TTC38: variants seen among roughly 807,000 people sequenced by gnomAD.
The protein encoded by TTC38 is tetratricopeptide repeat domain 38.
Under a neutral mutation model 64.2 loss-of-function variants are expected in TTC38, and 64 were observed. The ratio of observed to expected loss-of-function variants is 1.00; its 90% CI spans 0.81 to 1.23. TTC38 has a LOEUF of 1.23. Ranked by LOEUF, TTC38 falls within the 50% of genes most tolerant of loss-of-function variation. The pLI, the probability that TTC38 is intolerant of heterozygous loss-of-function variation, is 0.00. For missense variants in TTC38, 573 were observed against 615.5 expected (o/e 0.93, Z 0.73); for synonymous variants, 254 against 249.3 (o/e 1.02, Z -0.18).
At position 46,274,881 on chromosome 22, in the gene TTC38, A is replaced by G. The variant is rs1406877396; in HGVS notation, c.366-367A>G. Reference sequence around the variant, plus strand: ...GCTCTTGTCGCCCAGGCTGGAATGCAGTGGCGCAATCTCGGCTCACTGCCT... The same window carrying G: ...GCTCTTGTCGCCCAGGCTGGAATGCGGTGGCGCAATCTCGGCTCACTGCCT... On this transcript the variant is annotated intron_variant, in intron 4 of 13. Coordinates refer to ENST00000381031, the MANE Select transcript of TTC38 (RefSeq NM_017931.4). The surrounding 1 kb of genome is among the most constrained non-coding windows in gnomAD (Gnocchi z 4.8). Among the ~76,000 whole-genome samples, 3 of 152,118 alleles carry G rather than the reference A, an allele frequency of 2.0e-5. No individual in the cohort carries two copies. The highest frequency in any genetic ancestry group is 2.1e-4 in the South Asian group (1 of 4,826).
rs1217730132 is a variant in TTC38, at chr22:46,281,394, G to T, written c.616-205G>T. On this transcript the variant is annotated intron_variant, in intron 6 of 13. Transcript: ENST00000381031. The surrounding 1 kb of genome is among the most constrained non-coding windows in gnomAD (Gnocchi z 5.2). ...GACTCAGCTTCCTCATCTGTGAACT[G>T]GGCAGTGAGACCCATGAGCTGGTGT... 6.6e-6 allele frequency among the ~76,000 whole-genome samples: 1 copy of T among 152,192 alleles called. No homozygotes were observed. The highest frequency in any genetic ancestry group is 1.5e-5 in the Non-Finnish European group (1 of 68,026).
At chr22:46,269,092 C>A (rs535436938) in intron 2 of TTC38, 12 of 418,132 alleles carry the variant, frequency 2.9e-5, no homozygotes, top group Non-Finnish European at 4.4e-5. Flanking sequence ...ATCTCTGCCC[C>A]CCCCCCACAG....
Position 46,272,489 on chromosome 22 carries a change from G to A in TTC38, c.193+73G>A, listed in dbSNP as rs1335168372. 1.5e-6 allele frequency: 2 copies of A among 1,338,108 alleles called. No homozygotes were observed. Among genetic ancestry groups the A allele is most frequent in the East Asian group, 2.3e-5 (1 of 43,066 alleles). The allele number at this position is 1,338,108 out of a possible 1,614,324, so 82.9% of individuals were successfully genotyped here. On this transcript the variant is annotated intron_variant, in intron 3 of 13. Coordinates refer to ENST00000381031, the MANE Select transcript of TTC38 (RefSeq NM_017931.4). The surrounding 1 kb of genome is among the most constrained non-coding windows in gnomAD (Gnocchi z 6.4). ...GCCCCTCTCTTTCCTTTACCACAGG[G>A]ACACAGTTGGGATGGGGAAGGCAGG...
rs1388262034 is a variant in TTC38 at position 46,273,762 on chromosome 22, G to C, written c.194-136G>C. On this transcript the variant is annotated intron_variant, in intron 3 of 13. Coordinates refer to ENST00000381031, the MANE Select transcript of TTC38 (RefSeq NM_017931.4). The surrounding 1 kb of genome is among the most constrained non-coding windows in gnomAD (Gnocchi z 5.1). ...GGCTGAGTTCTAGACAGTAGGCAGG[G>C]CCACAGTGCCCAGCCTGCTGCTGCC... The C allele has an allele frequency of 2.5e-6, 2 of 788,624 alleles. No homozygotes were observed. The highest frequency in any genetic ancestry group is 5.3e-5 in the East Asian group (2 of 37,526). The allele number at this position is 788,624 out of a possible 1,614,324, so 48.9% of individuals were successfully genotyped here.
intron 7 of TTC38, 141 bp from the exon 8 acceptor site, chr22:46,283,832 A>G (rs2077551621): frequency 9.1e-6 from 5 of 547,654 alleles, no homozygotes; most frequent in South Asian, 8.2e-5. Context: ...AGCCTGAGCA[A>G]CAGAGCCAGA....
At chr22:46,285,423 G>A (rs2077564540) in intron 9 of TTC38, 144 bp downstream of exon 9, 1 of 825,460 alleles carries the variant, frequency 1.2e-6, no homozygotes, top group Non-Finnish European at 2.1e-6. Flanking sequence ...AGGCCTCATG[G>A]GGTTAATTTT....
Position 46,274,162 on chromosome 22 carries a change from C to A in TTC38, c.365+93C>A. On this transcript the variant is annotated intron_variant, in intron 4 of 13. Transcript: ENST00000381031. This position sits in a 1 kb window ranked among gnomAD's most constrained non-coding sequence, Gnocchi z 4.8. ...TTTCCTGATGCCCTTGGGACGGGGGCGGGGTGGGAGAATGCTTCTCTCCCT... is the reference window on the plus strand; with the variant it reads ...TTTCCTGATGCCCTTGGGACGGGGGAGGGGTGGGAGAATGCTTCTCTCCCT... 5.0e-6 allele frequency: 4 copies of A among 802,122 alleles called. No homozygotes were observed. The highest frequency in any genetic ancestry group is 2.3e-5 in the South Asian group (1 of 44,208). The allele number at this position is 802,122 out of a possible 1,614,324, so 49.7% of individuals were successfully genotyped here.
rs141117546 is a variant in TTC38, at chr22:46,274,562, G to A, written c.365+493G>A. On this transcript the variant is annotated intron_variant, in intron 4 of 13. Coordinates refer to ENST00000381031, the MANE Select transcript of TTC38 (RefSeq NM_017931.4). This position sits in a 1 kb window ranked among gnomAD's most constrained non-coding sequence, Gnocchi z 4.8. ...TCAGGCAGGCGAGATGCCCTGCAGA[G>A]TTAGGCGACCCTAGCCGATTGTGCA... Among the ~76,000 whole-genome samples the A allele has an allele frequency of 3.2e-4, 48 of 152,318 alleles. No homozygotes were observed. Among genetic ancestry groups the A allele is most frequent in the Admixed American group, 1.4e-3 (22 of 15,308 alleles).
rs1936997879 is a variant in TTC38, at chr22:46,275,905, A to G, written c.539+484A>G. 6.6e-6 allele frequency among the ~76,000 whole-genome samples: 1 copy of G among 152,206 alleles called. No individual in the cohort carries two copies. The highest frequency in any genetic ancestry group is 1.5e-5 in the Non-Finnish European group (1 of 68,038). On this transcript the variant is annotated intron_variant, in intron 5 of 13. Coordinates refer to ENST00000381031, the MANE Select transcript of TTC38 (RefSeq NM_017931.4). This position sits in a 1 kb window ranked among gnomAD's most constrained non-coding sequence, Gnocchi z 4.5. ...AAGGATACCCTGCCACTCCCAAGTCATTGGCCAGAACTGATCACATGACCT... is the reference window on the plus strand; with the variant it reads ...AAGGATACCCTGCCACTCCCAAGTCGTTGGCCAGAACTGATCACATGACCT...
At chr22:46,285,182 G>C (rs974307261) in intron 8 of TTC38, 59 bp from the exon 9 acceptor site, 3 of 1,510,572 alleles carry the variant, frequency 2.0e-6, no homozygotes, top group South Asian at 2.2e-5. Context: ...CTCAGTTCAC[G>C]TGCCAGCATT....
Position 46,268,607 on chromosome 22 carries a change from G to A in TTC38, c.111+16G>A, listed in dbSNP as rs1244328519. 2.5e-6 allele frequency: 4 copies of A among 1,613,360 alleles called. No homozygotes were observed. Among genetic ancestry groups the A allele is most frequent in the East Asian group, 2.2e-5 (1 of 44,882 alleles). On this transcript the variant is annotated intron_variant, in intron 2 of 13. Transcript: ENST00000381031. ...GCTGACCCAGGTATGCCTGCCGAGA[G>A]AGGCCGCGGCCCCTTCTGTGGAGGT...
rs2077487634 is a variant in TTC38 at position 46,276,416 on chromosome 22, G to A, written c.539+995G>A. Among the ~76,000 whole-genome samples, 2 of 152,172 alleles carry A rather than the reference G, an allele frequency of 1.3e-5. No individual in the cohort carries two copies. The highest frequency in any genetic ancestry group is 4.8e-5 in the African/African-American group (2 of 41,434). ...AAATACCTTCACGAGACTGGGCACA[G>A]TGGCTTATGCCTGTAATCCCAGCTG... On this transcript the variant is annotated intron_variant, in intron 5 of 13. Transcript: ENST00000381031. The surrounding 1 kb of genome is among the most constrained non-coding windows in gnomAD (Gnocchi z 4.7).
At chr22:46,284,066 T>C (rs2077554592) in intron 8 of TTC38, 34 bp downstream of exon 8, 2 of 1,551,270 alleles carry the variant, frequency 1.3e-6, no homozygotes, top group Non-Finnish European at 8.8e-7. Flanking sequence ...TGTCTTATCC[T>C]ATAAAGATGT....
Position 46,273,841 on chromosome 22 carries a change from T to A in TTC38, c.194-57T>A, listed in dbSNP as rs1936948250. 4 of 1,585,350 alleles carry A rather than the reference T, an allele frequency of 2.5e-6. No homozygotes were observed. The highest frequency in any genetic ancestry group is 3.5e-6 in the Non-Finnish European group (4 of 1,157,672). ...TCTCTGTGACATGTGGAGTCTGGGC[T>A]GGGATGGGCTGAGCTGGACCATCTG... On this transcript the variant is annotated intron_variant, in intron 3 of 13. Transcript: ENST00000381031. This position sits in a 1 kb window ranked among gnomAD's most constrained non-coding sequence, Gnocchi z 5.1.
At chr22:46,280,890 TTCTAAGC>T (rs1488040818) in intron 6 of TTC38, among the ~76,000 whole-genome samples, 1 of 152,264 alleles carries the variant, frequency 6.6e-6, no homozygotes, top group Non-Finnish European at 1.5e-5. Flanking sequence ...CTGCTCCATT[TTCTAAGC>T]TCTGACTGTG....
Position 46,282,611 on chromosome 22 carries a change from G to A in TTC38, c.735+893G>A, listed in dbSNP as rs942302385. Reference sequence around the variant, plus strand: ...GGCCATGCAGTCTGAGCCTTGCTGCGGAGGATCCTCGGGCCTCCAGATTCG... The same window carrying A: ...GGCCATGCAGTCTGAGCCTTGCTGCAGAGGATCCTCGGGCCTCCAGATTCG... On this transcript the variant is annotated intron_variant, in intron 7 of 13. Coordinates refer to ENST00000381031, the MANE Select transcript of TTC38 (RefSeq NM_017931.4). This position sits in a 1 kb window ranked among gnomAD's most constrained non-coding sequence, Gnocchi z 4.4. Among the ~76,000 whole-genome samples, 2 of 152,148 alleles carry A rather than the reference G, an allele frequency of 1.3e-5. No individual in the cohort carries two copies. The highest frequency in any genetic ancestry group is 2.4e-5 in the African/African-American group (1 of 41,440).
rs754609621 is a variant in TTC38 at position 46,289,436 on chromosome 22, C to T, written c.1117C>T (p.Arg373Ter). 13 of 1,609,512 alleles carry T rather than the reference C, an allele frequency of 8.1e-6. No individual in the cohort carries two copies. The highest frequency in any genetic ancestry group is 3.3e-5 in the Admixed American group (2 of 59,956). Residue 373 changes from arginine (R) to a stop codon, truncating the protein, a stop_gained, in exon 12 of 14, where the codon CGA (arginine) becomes TGA (stop). Coordinates refer to ENST00000381031, the MANE Select transcript of TTC38 (RefSeq NM_017931.4). LOFTEE classifies it high-confidence loss of function. The stretch of plus-strand genomic sequence containing the variant: ...GGAGAACTGCCAGCACCTCCTGGCC[C>T]GAGACGTGGGGCTGCCCCTGTGCCA... ...PGENCQHLLA[R>*]DVGLPLCQAL... is the part of the protein sequence containing the mutation.
At chr22:46,280,040 C>T (rs767896277) in intron 6 of TTC38, 10 of 450,188 alleles carry the variant, frequency 2.2e-5, no homozygotes, top group African/African-American at 4.0e-5. Context: ...CCATTGCTCC[C>T]CTTTCGCCTC....
intron 11 of TTC38, among the ~76,000 whole-genome samples, chr22:46,288,949 G>A (rs1410318803): frequency 6.6e-6 from 1 of 152,238 alleles, no homozygotes; most frequent in Middle Eastern, 3.2e-3. Context: ...TGGACGAGGT[G>A]CTTCTGTGCT....
Sources: allele counts gnomAD v4.1 joint callset (sites outside exome capture counted in the v4.1 genomes callset), GRCh38; gene constraint gnomAD v4.1.1; non-coding constraint Gnocchi (gnomAD v3.1); transcripts MANE v1.5; gene names NCBI Gene and HGNC (gene_info 2026-07-23, HGNC 2026-07-21).